The following ZHX2 variants were observed in gnomAD, a reference collection of about 807,000 sequenced individuals.
ZHX2 encodes the protein zinc fingers and homeoboxes protein 2.
In ZHX2, 6 loss-of-function variants were observed where a neutral mutation model predicts 21.9. The ratio of observed to expected loss-of-function variants is 0.27; its 90% confidence interval spans 0.15 to 0.54. The LOEUF is 0.54. ZHX2 is among the 20% of genes least tolerant of loss of function. The probability of loss-of-function intolerance (pLI) is 0.95; values close to 1 mark genes in which losing one functional copy is unlikely to be tolerated. For missense variants in ZHX2, 908 were observed against 1,090.7 expected, an observed-to-expected ratio of 0.83 and a Z score of 2.36; for synonymous variants, 434 against 437.1, an observed-to-expected ratio of 0.99 and a Z score of 0.09.
intron 2 of ZHX2, among the ~76,000 whole-genome samples, chr8:122,912,517 TC>T (rs1333322957): frequency 6.6e-6 from 1 of 152,150 alleles, no homozygotes; most frequent in Non-Finnish European, 1.5e-5. Flanking sequence ...GTAGCACAGA[TC>T]CTCCTTCAGA....
intron 2 of ZHX2, among the ~76,000 whole-genome samples, chr8:122,880,774 CAA>C (rs35751946): frequency 0.02 from 1,519 of 77,640 alleles, 21 homozygotes; most frequent in African/African-American, 0.049. Flanking sequence ...GACTCCACCT[CAA>C]AAAAAAAAAA....
intron 2 of ZHX2, among the ~76,000 whole-genome samples, chr8:122,884,565 C>G (rs1405542041): frequency 2.0e-5 from 3 of 152,160 alleles, no homozygotes; most frequent in Admixed American, 2.0e-4. Flanking sequence ...CATTCAGGAG[C>G]CAGAGCTCTT....
intron 1 of ZHX2, among the ~76,000 whole-genome samples, chr8:122,834,493 TGTGGAGCTATGGCC>T (rs1241516662): frequency 1.3e-5 from 2 of 152,242 alleles, no homozygotes; most frequent in African/African-American, 4.8e-5. Flanking sequence ...GAGGCTTCCG[TGTGGAGCTATGGCC>T]CCGTGGGCCT....
Position 122,930,266 on chromosome 8 carries a change from C to G in ZHX2, c.-219-21026C>G, listed in dbSNP as rs1178369611. On this transcript the variant is annotated intron_variant, in intron 2 of 3. Transcript: ENST00000314393. ...ATCAGCAGCATCACCGCGGTCATTA[C>G]TGGTGCAGAGGTGATGGAAAGGACT... Among the ~76,000 whole-genome samples, 5 of 152,182 alleles carry G rather than the reference C, an allele frequency of 3.3e-5. No homozygotes were observed. The East Asian group carries it at 9.6e-4, about 29-fold the overall frequency.
At chr8:122,810,854 C>G (rs1253450918) in intron 1 of ZHX2, among the ~76,000 whole-genome samples, 2 of 151,930 alleles carry the variant, frequency 1.3e-5, no homozygotes, top group Non-Finnish European at 2.9e-5. Context: ...AGGTTAGTTA[C>G]ATATGTATAC....
At chr8:122,963,909 A>T (rs1813518215) in intron 3 of ZHX2, among the ~76,000 whole-genome samples, 1 of 150,882 alleles carries the variant, frequency 6.6e-6, no homozygotes. Context: ...GTTTTTTTGC[A>T]CCTGTTATAA....
At chr8:122,837,461 C>T (rs946685062) in intron 1 of ZHX2, among the ~76,000 whole-genome samples, 3 of 152,168 alleles carry the variant, frequency 2.0e-5, no homozygotes, top group Middle Eastern at 3.2e-3. Flanking sequence ...GCCACTACCC[C>T]TACAGGTTTC....
Position 122,828,451 on chromosome 8 carries a change from AAGAGTAAC to A in ZHX2, c.-282-35022_-282-35015del. ...GTCATTACGTGGTCACTATGTGGAT[AAGAGTAAC>A]AGAAGAGAAACCAAAACCCAGGAAG... On this transcript the variant is annotated intron_variant, in intron 1 of 3. Transcript: ENST00000314393. This position sits in a 1 kb window ranked among gnomAD's most constrained non-coding sequence, Gnocchi z 5.2. 6.6e-6 allele frequency among the ~76,000 whole-genome samples: 1 copy of A among 152,328 alleles called. No homozygotes were observed. The highest frequency in any genetic ancestry group is 6.5e-5 in the Admixed American group (1 of 15,304).
chr8:122,797,810 G>A (rs752290398), intron 1 of ZHX2, among the ~76,000 whole-genome samples: 19 of 152,142 alleles, frequency 1.2e-4, no homozygotes, highest in Non-Finnish European at 1.8e-4. Context: ...ATCCAGTCTG[G>A]CGTAAAGAAA....
intron 2 of ZHX2, among the ~76,000 whole-genome samples, chr8:122,865,371 G>A (rs111544386): frequency 9.2e-5 from 14 of 152,124 alleles, no homozygotes; most frequent in African/African-American, 3.4e-4. Flanking sequence ...CTCATGATCC[G>A]CCCGCCTCAG....
rs3221811 is a variant in ZHX2, at chr8:122,843,959, T to TCACACACACA, written c.-282-19495_-282-19486dup. On this transcript the variant is annotated intron_variant, in intron 1 of 3. Transcript: ENST00000314393. ...ACACTTCGCTTTTTGTTCTCACCCT[T>TCACACACACA]CACACACACACACACACACACACAC... 3.6e-3 allele frequency among the ~76,000 whole-genome samples: 538 copies of TCACACACACA among 148,928 alleles called. 3 individuals are homozygous for TCACACACACA. Among genetic ancestry groups the TCACACACACA allele is most frequent in the Admixed American group, 8.5e-3 (127 of 14,870 alleles).
intron 3 of ZHX2, among the ~76,000 whole-genome samples, chr8:122,959,583 A>G (rs1441009286): frequency 6.6e-6 from 1 of 152,186 alleles, no homozygotes; most frequent in Non-Finnish European, 1.5e-5. Context: ...GAGAATTTTA[A>G]AAGATAGTTG....
At chr8:122,851,376 G>A (rs1019887882) in intron 1 of ZHX2, among the ~76,000 whole-genome samples, 3 of 152,216 alleles carry the variant, frequency 2.0e-5, no homozygotes, top group East Asian at 1.9e-4. Flanking sequence ...AGTTGGCTAT[G>A]ATGATGGTGA....
intron 3 of ZHX2, 144 bp downstream of exon 3, chr8:122,954,172 G>A (rs1813233992): frequency 2.6e-6 from 2 of 764,368 alleles, no homozygotes; most frequent in Non-Finnish European, 4.1e-6. Flanking sequence ...TAAGAATGAT[G>A]TATATTGATC....
At chr8:122,894,184 CT>C (rs1347630248) in intron 2 of ZHX2, among the ~76,000 whole-genome samples, 1 of 152,218 alleles carries the variant, frequency 6.6e-6, no homozygotes. Context: ...CAGGCTGATG[CT>C]TGGGCTGTGG....
At chr8:122,955,839 A>ATTTTTTTTTTTTTTTTTTTT (rs540333833) in intron 3 of ZHX2, among the ~76,000 whole-genome samples, 4 of 104,902 alleles carry the variant, frequency 3.8e-5, no homozygotes, top group South Asian at 3.1e-4. Flanking sequence ...TGAGGGAGTG[A>ATTTTTTTTTTTTTTTTTTTT]TTTTTTTTTT....
chr8:122,789,666 G>C (rs1028516630), intron 1 of ZHX2, among the ~76,000 whole-genome samples: 13 of 152,184 alleles, frequency 8.5e-5, no homozygotes, highest in Non-Finnish European at 1.8e-4. Context: ...ATAATGCAGG[G>C]ATGTGAACTG....
intron 2 of ZHX2, among the ~76,000 whole-genome samples, chr8:122,896,045 G>A (rs1341580422): frequency 1.3e-5 from 2 of 152,132 alleles, no homozygotes; most frequent in Non-Finnish European, 2.9e-5. Context: ...GCTGACAGGA[G>A]GGGCTGATGG....
At chr8:122,910,754 G>C (rs1360839397) in intron 2 of ZHX2, among the ~76,000 whole-genome samples, 1 of 151,126 alleles carries the variant, frequency 6.6e-6, no homozygotes, top group Non-Finnish European at 1.5e-5. Flanking sequence ...GGGGGTGGGG[G>C]GTGAGGAATA....
Sources: gnomAD v4.1 joint callset for allele counts (sites outside exome capture counted in the v4.1 genomes callset) on GRCh38, gnomAD v4.1.1 for gene constraint, Gnocchi (gnomAD v3.1) non-coding constraint, MANE v1.5 for transcripts, NCBI Gene and HGNC (gene_info 2026-07-23, HGNC 2026-07-21) for gene names.